ARHGEF16: variants seen among roughly 807,000 people sequenced by gnomAD.
ARHGEF16 encodes Rho guanine exchange factor (GEF) 16.
A neutral mutation model predicts 74.1 loss-of-function variants in ARHGEF16; 59 were observed. The observed-to-expected ratio is 0.80, with a 90% CI of 0.65 to 0.99. The LOEUF is 0.99. Among genes scored for constraint, ARHGEF16 ranks in the 50% least tolerant of loss-of-function variants. The pLI, the probability that ARHGEF16 is intolerant of heterozygous loss-of-function variation, is 0.00. For synonymous variants in ARHGEF16, 415 were observed against 412.6 expected (o/e 1.01, Z -0.07); for missense variants, 948 against 986.6 (o/e 0.96, Z 0.52).
intron 3 of ARHGEF16, 61 bp downstream of exon 3, chr1:3,466,254 G>C: frequency 6.7e-7 from 1 of 1,491,888 alleles, no homozygotes; most frequent in Non-Finnish European, 9.0e-7. Context: ...TCTCACTGGG[G>C]CACCCTGGGG....
In ARHGEF16 at chr1:3,478,452, G is replaced by A. The variant is rs201826500; in HGVS notation, c.1654G>A (p.Ala552Thr). The A allele has an allele frequency of 4.7e-5, 75 of 1,611,402 alleles. No individual in the cohort carries two copies. The African/African-American group carries it at 7.9e-4, about 17-fold the overall frequency. Residue 552 changes from alanine (A) to threonine (T), a missense_variant, in exon 12 of 15, where the codon GCC (alanine) becomes ACC (threonine). Coordinates refer to ENST00000378378, the MANE Select transcript of ARHGEF16 (RefSeq NM_014448.4). ...GGAGAGCTACATGGTCCAGGACTAC[G>A]CCCAGATGAACCACATCCAGGTGGA... ...SEESYMVQDY[A>T]QMNHIQVEKI...
intron 1 of ARHGEF16, among the ~76,000 whole-genome samples, chr1:3,461,870 T>C (rs1639404808): frequency 6.6e-6 from 1 of 152,058 alleles, no homozygotes; most frequent in South Asian, 2.1e-4. Context: ...GAGAGCTGGC[T>C]CTCCACATTC....
intron 4 of ARHGEF16, 108 bp downstream of exon 4, chr1:3,467,445 G>A: frequency 1.5e-6 from 2 of 1,316,150 alleles, no homozygotes; most frequent in East Asian, 5.1e-5. Context: ...CAGCAGCCCA[G>A]TCCTCCCAGG....
chr1:3,461,127 T>C (rs1639382498), intron 1 of ARHGEF16, among the ~76,000 whole-genome samples: 2 of 152,244 alleles, frequency 1.3e-5, no homozygotes, highest in Admixed American at 6.5e-5. Flanking sequence ...GTGTGTGACG[T>C]TCTGGGTGTA....
intron 1 of ARHGEF16, 95 bp downstream of exon 1, chr1:3,454,906 G>C (rs151279796): frequency 0.086 from 13,017 of 152,140 alleles, 709 homozygotes; most frequent in African/African-American, 0.15. Flanking sequence ...CCGGGAACCC[G>C]GGGCGCTTCT....
intron 5 of ARHGEF16, among the ~76,000 whole-genome samples, 156 bp downstream of exon 5, chr1:3,469,092 G>A (rs913370819): frequency 2.0e-5 from 3 of 152,106 alleles, no homozygotes; most frequent in African/African-American, 4.8e-5. Flanking sequence ...ACACAGCCCC[G>A]GGCTGTGCTT....
chr1:3,455,438 G>C (rs1389674980), intron 1 of ARHGEF16, among the ~76,000 whole-genome samples: 2 of 152,178 alleles, frequency 1.3e-5, no homozygotes, highest in Non-Finnish European at 2.9e-5. Flanking sequence ...GGGAGGGGGA[G>C]GGGTGCGTCC....
At chr1:3,462,978 C>T in intron 1 of ARHGEF16, 88 bp from the exon 2 acceptor site, 2 of 942,804 alleles carry the variant, frequency 2.1e-6, no homozygotes, top group South Asian at 4.2e-5. Context: ...GAGCCCCGGC[C>T]AGACATATGC....
rs12073933 is a variant in ARHGEF16, at chr1:3,476,079, A to G, written c.1473+17A>G. 0.011 allele frequency: 16,544 copies of G among 1,548,112 alleles called. 1,413 individuals are homozygous for G. In the African/African-American group the frequency reaches 0.19, roughly 18 times the overall value. ...AAGGTCAAGGTAGGTGGCCCCGGACATCAGGGCCACTCGGACCACTTCCCA... is the reference window on the plus strand; with the variant it reads ...AAGGTCAAGGTAGGTGGCCCCGGACGTCAGGGCCACTCGGACCACTTCCCA... On this transcript the variant is annotated intron_variant, in intron 10 of 14. Transcript: ENST00000378378.
At chr1:3,478,952 AGAGGCCCCGAGGCAGGAGAGCCCT>A (rs1639977667) in intron 12 of ARHGEF16, among the ~76,000 whole-genome samples, 4 of 151,374 alleles carry the variant, frequency 2.6e-5, no homozygotes, top group Admixed American at 2.0e-4. Flanking sequence ...GTTGCTCAGC[AGAGGCCCCGAGGCAGGAGAGCCCT>A]GAGGCCCCGA....
chr1:3,473,332 G>T (rs1557695427), intron 7 of ARHGEF16, 61 bp from the exon 8 acceptor site: 2 of 1,578,506 alleles, frequency 1.3e-6, no homozygotes, highest in Admixed American at 3.4e-5. Context: ...TGCAGGTCCT[G>T]CCTGATTTTG....
chr1:3,469,643 C>A (rs551071126), intron 6 of ARHGEF16, 50 bp downstream of exon 6: 1 of 1,604,954 alleles, frequency 6.2e-7, no homozygotes, highest in South Asian at 1.1e-5. Flanking sequence ...CAGGAAGGTG[C>A]CTCCCCCCGT....
chr1:3,461,047 G>A (rs188575974), intron 1 of ARHGEF16, among the ~76,000 whole-genome samples: 183 of 152,298 alleles, frequency 1.2e-3, no homozygotes, highest in African/African-American at 3.7e-3. Flanking sequence ...GACTTTGGGC[G>A]AGTGACTCAG....
chr1:3,459,577 C>A (rs557089466), intron 1 of ARHGEF16, among the ~76,000 whole-genome samples: 122 of 152,244 alleles, frequency 8.0e-4, no homozygotes, highest in Non-Finnish European at 7.1e-4. Context: ...GGGATCCGCC[C>A]AGGGTGAGGC....
chr1:3,472,482 G>A (rs1363077209), intron 6 of ARHGEF16, among the ~76,000 whole-genome samples: 3 of 152,246 alleles, frequency 2.0e-5, no homozygotes, highest in East Asian at 1.9e-4. Flanking sequence ...CGGGGTGGGG[G>A]ACCTAGTGAA....
intron 12 of ARHGEF16, 50 bp downstream of exon 12, chr1:3,478,662 C>CCACAGGCA (rs1298741939): frequency 1.2e-5 from 19 of 1,548,168 alleles, no homozygotes; most frequent in African/African-American, 1.2e-4. Flanking sequence ...CACATTAGCT[C>CCACAGGCA]CATGGGGACC....
chr1:3,479,679 G>A, intron 13 of ARHGEF16, 89 bp downstream of exon 13: 1 of 1,567,148 alleles, frequency 6.4e-7, no homozygotes, highest in African/African-American at 1.4e-5. Flanking sequence ...CTGGCACCTG[G>A]CCTTGTGCTG....
At chr1:3,457,277 T>G (rs1443097135) in intron 1 of ARHGEF16, among the ~76,000 whole-genome samples, 1 of 152,202 alleles carries the variant, frequency 6.6e-6, no homozygotes, top group African/African-American at 2.4e-5. Context: ...TCACTGAGGT[T>G]GGATGGACAG....
At chr1:3,459,865 AG>A (rs1357752668) in intron 1 of ARHGEF16, among the ~76,000 whole-genome samples, 3 of 151,726 alleles carry the variant, frequency 2.0e-5, no homozygotes, top group East Asian at 3.9e-4. Context: ...ACAGGCAGGG[AG>A]GGGGTAGGAA....
Sources: gnomAD v4.1 joint callset for allele counts (sites outside exome capture counted in the v4.1 genomes callset) on GRCh38, gnomAD v4.1.1 for gene constraint, MANE v1.5 for transcripts, NCBI Gene and HGNC (gene_info 2026-07-23, HGNC 2026-07-21) for gene names.